Variants in ULK4 observed in about 807,000 individuals in gnomAD.
ULK4 encodes the protein inactive serine/threonine-protein kinase ULK4.
A neutral mutation model predicts 160.6 loss-of-function variants in ULK4; 133 were observed. The ratio of observed to expected loss-of-function variants is 0.83; its 90% CI spans 0.72 to 0.96. The LOEUF (loss-of-function observed/expected upper bound fraction) is 0.96. Ranked by LOEUF, ULK4 falls within the 40% of genes least tolerant of loss-of-function variation. ULK4 has a pLI of 0.00. For missense variants in ULK4, 1,580 were observed against 1,499.5 expected (o/e 1.05, Z -0.89); for synonymous variants, 534 against 539.8 (o/e 0.99, Z 0.15).
At chr3:41,365,085 C>T (rs896194667) in intron 35 of ULK4, among the ~76,000 whole-genome samples, 4 of 152,174 alleles carry the variant, frequency 2.6e-5, no homozygotes, top group African/African-American at 9.6e-5. Flanking sequence ...AAAACTATCC[C>T]AGAGATGGCA....
chr3:41,678,772 A>C (rs2035822182), intron 29 of ULK4, among the ~76,000 whole-genome samples: 2 of 152,232 alleles, frequency 1.3e-5, no homozygotes, highest in Admixed American at 6.5e-5. Flanking sequence ...GTATTGTTTA[A>C]GGTCAAGGGA....
intron 22 of ULK4, among the ~76,000 whole-genome samples, chr3:41,744,021 C>T (rs73069390): frequency 0.12 from 18,549 of 151,762 alleles, 1,358 homozygotes; most frequent in Middle Eastern, 0.26. Flanking sequence ...GACTAAGAGG[C>T]TATTATAAGT....
chr3:41,863,568 G>C (rs60997715), intron 17 of ULK4, among the ~76,000 whole-genome samples: 1 of 151,928 alleles, frequency 6.6e-6, no homozygotes, highest in Non-Finnish European at 1.5e-5. Flanking sequence ...CCTGAAGCCA[G>C]CAAGTCTTAG....
intron 31 of ULK4, among the ~76,000 whole-genome samples, chr3:41,592,095 C>T (rs1427181720): frequency 6.6e-6 from 1 of 152,130 alleles, no homozygotes; most frequent in Non-Finnish European, 1.5e-5. Flanking sequence ...GCGGACTGCT[C>T]CTGCAGGAAC....
intron 18 of ULK4, among the ~76,000 whole-genome samples, chr3:41,830,384 T>A (rs912128820): frequency 6.6e-6 from 1 of 152,040 alleles, no homozygotes; most frequent in Non-Finnish European, 1.5e-5. Flanking sequence ...TCTATCTGCA[T>A]AAGATTCTAG....
At position 41,808,049 on chromosome 3, in the gene ULK4, C is replaced by T. The variant is rs545570669; in HGVS notation, c.1849-7756G>A. ...TGTAAGCCTTAACTGGACAGGTACCCTACTTGGAGACCGCTGCTGTGTCTG... is the reference window on the plus strand; with the variant it reads ...TGTAAGCCTTAACTGGACAGGTACCTTACTTGGAGACCGCTGCTGTGTCTG... On this transcript the variant is annotated intron_variant, in intron 19 of 36. Transcript: ENST00000301831. Among the ~76,000 whole-genome samples, 9 of 152,222 alleles carry T rather than the reference C, an allele frequency of 5.9e-5. No individual in the cohort carries two copies. In the East Asian group the frequency reaches 1.7e-3, roughly 29 times the overall value.
At position 41,322,240 on chromosome 3, in the gene ULK4, C is replaced by A. The variant is rs188829332; in HGVS notation, c.3679-72666G>T. On this transcript the variant is annotated intron_variant, in intron 35 of 36. Transcript: ENST00000301831. ...AGAGATGGGGTTTCACCCTGTTGGCCAGGCTGGTCTGGAACTCCTGGCCTC... is the reference window on the plus strand; with the variant it reads ...AGAGATGGGGTTTCACCCTGTTGGCAAGGCTGGTCTGGAACTCCTGGCCTC... 3.4e-5 allele frequency among the ~76,000 whole-genome samples: 5 copies of A among 146,844 alleles called. 1 individual carries two copies. The highest frequency in any genetic ancestry group is 7.5e-5 in the Non-Finnish European group (5 of 67,058).
chr3:41,849,527 G>A (rs768398681), intron 17 of ULK4, among the ~76,000 whole-genome samples: 6 of 152,192 alleles, frequency 3.9e-5, no homozygotes, highest in African/African-American at 9.7e-5. Context: ...CAGGGGCTTC[G>A]TAGGGTAGTG....
At chr3:41,548,995 G>C (rs2086968728) in intron 32 of ULK4, among the ~76,000 whole-genome samples, 1 of 152,126 alleles carries the variant, frequency 6.6e-6, no homozygotes, top group South Asian at 2.1e-4. Flanking sequence ...CTGAATCAAA[G>C]CTGAAGTGCC....
chr3:41,264,456 C>A (rs1341163467), intron 35 of ULK4, among the ~76,000 whole-genome samples: 1 of 152,240 alleles, frequency 6.6e-6, no homozygotes. Flanking sequence ...TGTGAGCCAG[C>A]AGGTGGCTGT....
At chr3:41,746,789 A>G (rs2038436940) in intron 22 of ULK4, among the ~76,000 whole-genome samples, 1 of 151,954 alleles carries the variant, frequency 6.6e-6, no homozygotes, top group African/African-American at 2.4e-5. Context: ...TTGTATTGAT[A>G]AAGGGACAGA....
chr3:41,366,464 G>A (rs1261424318), intron 35 of ULK4, among the ~76,000 whole-genome samples: 2 of 151,718 alleles, frequency 1.3e-5, no homozygotes, highest in Admixed American at 6.6e-5. Flanking sequence ...ATATTTATTT[G>A]ATCTAAGTAA....
At chr3:41,906,397 C>CT (rs1298843664) in intron 12 of ULK4, among the ~76,000 whole-genome samples, 13 of 152,056 alleles carry the variant, frequency 8.5e-5, no homozygotes, top group African/African-American at 3.1e-4. Flanking sequence ...GGTGTGGTGG[C>CT]ATATGCCTGT....
chr3:41,378,158 G>A (rs1445541409), intron 35 of ULK4, among the ~76,000 whole-genome samples: 8 of 148,716 alleles, frequency 5.4e-5, no homozygotes, highest in Non-Finnish European at 4.4e-5. Context: ...CTCACTTATA[G>A]GTGGGAATTG....
At chr3:41,577,366 T>G (rs1428947122) in intron 31 of ULK4, among the ~76,000 whole-genome samples, 1 of 152,152 alleles carries the variant, frequency 6.6e-6, no homozygotes, top group Non-Finnish European at 1.5e-5. Flanking sequence ...ACATAAGAGG[T>G]GTATATATTT....
rs1165381982 is a variant in ULK4, at chr3:41,420,475, C to CTTTTTTTTTTTTTTTT, written c.3493-22227_3493-22212dup. Among the ~76,000 whole-genome samples the CTTTTTTTTTTTTTTTT allele has an allele frequency of 4.8e-3, 196 of 41,182 alleles. 28 individuals carry two copies. Among genetic ancestry groups the CTTTTTTTTTTTTTTTT allele is most frequent in the Middle Eastern group, 0.028 (1 of 36 alleles). 27.0% of individuals were successfully genotyped at this position (41,182 alleles called of 152,430 possible). A position where few individuals can be genotyped will look rare whatever the true frequency, so the allele number is the denominator to read the frequency against. On this transcript the variant is annotated intron_variant, in intron 34 of 36. Transcript: ENST00000301831. ...GGATTTTTCAGTTTTCCAGTTCTTTCTTTTTTTTTTTTTTTTTTTTTTTTT... is the reference window on the plus strand; with the variant it reads ...GGATTTTTCAGTTTTCCAGTTCTTTCTTTTTTTTTTTTTTTTTTTTTTTTTTTTTTTTTTTTTTTTT...
intron 29 of ULK4, among the ~76,000 whole-genome samples, chr3:41,668,581 A>T (rs1179449472): frequency 6.6e-6 from 1 of 152,182 alleles, no homozygotes; most frequent in East Asian, 1.9e-4. Context: ...GGTAAACTCT[A>T]TGATGTTTGC....
At chr3:41,838,482 A>G (rs538185306) in intron 17 of ULK4, among the ~76,000 whole-genome samples, 29 of 152,306 alleles carry the variant, frequency 1.9e-4, no homozygotes, top group Admixed American at 1.4e-3. Flanking sequence ...ACTAAAAAGA[A>G]TCCATACAAA....
At chr3:41,901,005 G>A (rs1013175714) in intron 12 of ULK4, among the ~76,000 whole-genome samples, 176 bp from the exon 13 acceptor site, 13 of 152,092 alleles carry the variant, frequency 8.5e-5, no homozygotes, top group African/African-American at 3.1e-4. Context: ...ATCCTAAACT[G>A]TAGGCACCAT....
Sources: allele counts gnomAD v4.1 joint callset (sites outside exome capture counted in the v4.1 genomes callset), GRCh38; gene constraint gnomAD v4.1.1; transcripts MANE v1.5; gene names NCBI Gene and HGNC (gene_info 2026-07-23, HGNC 2026-07-21).